Variants in ARHGAP26 observed in about 807,000 individuals in gnomAD.
ARHGAP26 encodes rho GTPase-activating protein 26.
Under a neutral mutation model 104.8 loss-of-function variants are expected in ARHGAP26, and 38 were observed. That is an observed-to-expected ratio of 0.36 (90% CI 0.28 to 0.48). The LOEUF (loss-of-function observed/expected upper bound fraction) is 0.48, where lower values mean the gene tolerates loss of function less well. Among genes scored for constraint, ARHGAP26 ranks in the 20% least tolerant of loss-of-function variants. The pLI, the probability that ARHGAP26 is intolerant of heterozygous loss-of-function variation, is 0.99. For synonymous variants in ARHGAP26, 341 were observed against 340.0 expected (o/e 1.00, Z -0.03); for missense variants, 704 against 947.9 (o/e 0.74, Z 3.38).
chr5:142,961,048 A>G (rs1336886190), intron 11 of ARHGAP26, among the ~76,000 whole-genome samples: 3 of 152,180 alleles, frequency 2.0e-5, no homozygotes, highest in Non-Finnish European at 4.4e-5. Context: ...TATCTTCTGT[A>G]CAGCCTACTA....
intron 21 of ARHGAP26, among the ~76,000 whole-genome samples, chr5:143,211,379 C>T (rs1010610696): frequency 1.3e-5 from 2 of 152,160 alleles, no homozygotes; most frequent in African/African-American, 4.8e-5. Flanking sequence ...CAACCCTACC[C>T]ATTCCTATTC....
At chr5:142,877,624 T>TG (rs1024749765) in intron 3 of ARHGAP26, among the ~76,000 whole-genome samples, 2 of 152,196 alleles carry the variant, frequency 1.3e-5, no homozygotes, top group African/African-American at 4.8e-5. Context: ...GCGAAGGACT[T>TG]GGGGGTCCTG....
At chr5:142,847,893 G>T (rs1486492104) in intron 1 of ARHGAP26, among the ~76,000 whole-genome samples, 1 of 152,224 alleles carries the variant, frequency 6.6e-6, no homozygotes, top group Non-Finnish European at 1.5e-5. Context: ...AGATACTCAG[G>T]GTTGAGAATT....
intron 12 of ARHGAP26, among the ~76,000 whole-genome samples, chr5:143,029,889 C>A (rs1781618966): frequency 6.6e-6 from 1 of 152,130 alleles, no homozygotes; most frequent in Admixed American, 6.5e-5. Flanking sequence ...GTAACCCTTT[C>A]TAGTTCATGT....
At chr5:142,883,690 CCTT>C (rs1209248023) in intron 4 of ARHGAP26, among the ~76,000 whole-genome samples, 5 of 152,364 alleles carry the variant, frequency 3.3e-5, no homozygotes, top group African/African-American at 9.6e-5. Flanking sequence ...CTACTCTGCT[CCTT>C]CTGTATTTCA....
intron 12 of ARHGAP26, among the ~76,000 whole-genome samples, chr5:143,028,781 C>T (rs567671587): frequency 6.6e-6 from 1 of 152,328 alleles, no homozygotes; most frequent in South Asian, 2.1e-4. Context: ...TCAGTTTCCA[C>T]TACCTACAAT....
At chr5:143,077,647 A>G (rs1381744147) in intron 17 of ARHGAP26, among the ~76,000 whole-genome samples, 3 of 152,304 alleles carry the variant, frequency 2.0e-5, no homozygotes, top group East Asian at 3.9e-4. Context: ...GGGTGCCACC[A>G]TTTCTGGCTT....
intron 12 of ARHGAP26, among the ~76,000 whole-genome samples, chr5:143,034,422 A>AC (rs1416345435): frequency 2.6e-5 from 4 of 152,242 alleles, no homozygotes; most frequent in Admixed American, 1.3e-4. Context: ...AACCATAAAA[A>AC]TAAGTGAAGT....
intron 20 of ARHGAP26, chr5:143,169,527 A>G (rs1054875626): frequency 1.1e-4 from 16 of 152,214 alleles, no homozygotes; most frequent in African/African-American, 3.9e-4. Flanking sequence ...CCCAGCAGAA[A>G]AGAAAGAGAG....
chr5:142,919,587 A>ATT (rs1237700046), intron 10 of ARHGAP26: 1 of 396,976 alleles, frequency 2.5e-6, no homozygotes. Flanking sequence ...GAACAATCCC[A>ATT]TTGCCAAGGA....
At position 143,207,148 on chromosome 5, in the gene ARHGAP26, T is replaced by C. The variant is rs554126762; in HGVS notation, c.1989-50T>C. The C allele has an allele frequency of 4.5e-5, 72 of 1,588,986 alleles. 1 individual carries two copies. The highest frequency in any genetic ancestry group is 3.3e-4 in the South Asian group (28 of 86,130). ...CCTCCCATGACCTCCTGTGCTCCCA[T>C]TGTGGTTTCCCTGTGTGCTGACAAG... On this transcript the variant is annotated intron_variant, in intron 20 of 22. Transcript: ENST00000645722.
At chr5:143,182,247 C>T (rs112951021) in intron 20 of ARHGAP26, among the ~76,000 whole-genome samples, 1,770 of 152,332 alleles carry the variant, frequency 0.012, 38 homozygotes, top group African/African-American at 0.039. Context: ...ACAAAGCACT[C>T]GGCTTTGGTG....
chr5:143,145,558 T>A (rs1423929151), intron 19 of ARHGAP26, among the ~76,000 whole-genome samples: 2 of 152,234 alleles, frequency 1.3e-5, no homozygotes, highest in Admixed American at 6.5e-5. Flanking sequence ...TATTATGTAA[T>A]CTTAGCGTTG....
chr5:142,980,352 C>CTTTATTTTATTTTATTTTAT (rs35267021), intron 11 of ARHGAP26, among the ~76,000 whole-genome samples: 1,522 of 131,526 alleles, frequency 0.012, 36 homozygotes, highest in African/African-American at 0.027. Context: ...CTCTAGGAAC[C>CTTTATTTTATTTTATTTTAT]TTTATTTTAT....
chr5:143,024,232 CTA>C (rs1718741323), intron 12 of ARHGAP26, among the ~76,000 whole-genome samples: 1 of 152,150 alleles, frequency 6.6e-6, no homozygotes, highest in South Asian at 2.1e-4. Flanking sequence ...GCCCCCAAAG[CTA>C]TGACTGGTGG....
At chr5:142,929,222 C>T (rs1764369289) in intron 10 of ARHGAP26, among the ~76,000 whole-genome samples, 1 of 152,224 alleles carries the variant, frequency 6.6e-6, no homozygotes, top group Non-Finnish European at 1.5e-5. Flanking sequence ...ATGTTAGTCA[C>T]TGCGCCCGGC....
intron 1 of ARHGAP26, among the ~76,000 whole-genome samples, chr5:142,852,679 G>A (rs1751720991): frequency 6.6e-6 from 1 of 152,174 alleles, no homozygotes; most frequent in Admixed American, 6.5e-5. Context: ...TGATTTGGTC[G>A]AGTGTCTTGG....
intron 1 of ARHGAP26, among the ~76,000 whole-genome samples, chr5:142,860,995 A>G (rs777772431): frequency 6.6e-6 from 1 of 152,154 alleles, no homozygotes; most frequent in African/African-American, 2.4e-5. Flanking sequence ...TGCAACACCT[A>G]TTGCAAGCGG....
chr5:142,869,013 A>T (rs1398169841), intron 1 of ARHGAP26: 1 of 154,224 alleles, frequency 6.5e-6, no homozygotes, highest in African/African-American at 2.4e-5. Flanking sequence ...TTCCAGAATT[A>T]TTCCAAATAC....
Sources: gnomAD v4.1 joint callset for allele counts (sites outside exome capture counted in the v4.1 genomes callset) on GRCh38, gnomAD v4.1.1 for gene constraint, MANE v1.5 for transcripts, NCBI Gene and HGNC (gene_info 2026-07-23, HGNC 2026-07-21) for gene names.